Variants in ACBD6 observed in about 807,000 individuals in gnomAD.
ACBD6 encodes acyl-CoA binding domain containing 6.
Under a neutral mutation model 37.2 loss-of-function variants are expected in ACBD6, and 28 were observed. The observed-to-expected ratio is 0.75, with a 90% CI of 0.56 to 1.03. The LOEUF is 1.03. Among genes scored for constraint, ACBD6 ranks in the 50% least tolerant of loss-of-function variants. ACBD6 has a pLI of 0.00. For synonymous variants in ACBD6, 113 were observed against 126.8 expected, an observed-to-expected ratio of 0.89 and a Z score of 0.73; for missense variants, 340 against 337.4, an observed-to-expected ratio of 1.01 and a Z score of -0.06.
chr1:180,317,541 T>C (rs1361263292), intron 6 of ACBD6, among the ~76,000 whole-genome samples: 1 of 151,958 alleles, frequency 6.6e-6, no homozygotes, highest in Non-Finnish European at 1.5e-5. Context: ...GAAAGAAAAT[T>C]AGAAAAGGGT....
intron 6 of ACBD6, among the ~76,000 whole-genome samples, chr1:180,386,227 A>G (rs1653841175): frequency 6.6e-6 from 1 of 152,198 alleles, no homozygotes. Context: ...TAGGTGTATT[A>G]AGTGTATTTT....
At position 180,350,022 on chromosome 1, in the gene ACBD6, C is replaced by CTTT. The variant is rs1558261427; in HGVS notation, c.664-35301_664-35300insAAA. Reference sequence around the variant, plus strand: ...AGGTGTTTCAGTCCTCTCCAGTGACCCTTTTTTTTTTTTTTTTTTTTTGAG... The same window carrying CTTT: ...AGGTGTTTCAGTCCTCTCCAGTGACCTTTCTTTTTTTTTTTTTTTTTTTTTGAG... On this transcript the variant is annotated intron_variant, in intron 6 of 7. Transcript: ENST00000367595. Among the ~76,000 whole-genome samples, 2 of 131,516 alleles carry CTTT rather than the reference C, an allele frequency of 1.5e-5. 1 individual carries two copies. 86.3% of individuals were successfully genotyped at this position (131,516 alleles called of 152,430 possible).
At chr1:180,326,997 C>T (rs568422966) in intron 6 of ACBD6, among the ~76,000 whole-genome samples, 27 of 152,112 alleles carry the variant, frequency 1.8e-4, no homozygotes, top group Non-Finnish European at 2.9e-4. Flanking sequence ...AGGGATGGCA[C>T]GAGCACTCCC....
At chr1:180,406,610 C>G (rs1935283) in intron 5 of ACBD6, among the ~76,000 whole-genome samples, 4 of 152,108 alleles carry the variant, frequency 2.6e-5, no homozygotes, top group African/African-American at 7.2e-5. Flanking sequence ...AGATTCATAG[C>G]TATCAGTGAA....
intron 3 of ACBD6, chr1:180,435,487 G>A (rs1648997485): frequency 1.1e-5 from 6 of 533,140 alleles, no homozygotes; most frequent in Admixed American, 9.5e-5. Context: ...TCCTGACCTC[G>A]TGATCCGCCC....
chr1:180,502,335 G>A lies in ACBD6; in HGVS notation c.-69C>T, dbSNP rs1652019792. 3.9e-6 allele frequency: 6 copies of A among 1,543,598 alleles called. No homozygotes were observed. The South Asian group carries it at 6.9e-5, about 18-fold the overall frequency. On this transcript the variant is annotated 5_prime_UTR_variant, in exon 1 of 8. Coordinates refer to ENST00000367595, the MANE Select transcript of ACBD6 (RefSeq NM_032360.4). ...TTGGATTGGGTGTAAGGCCGGCTTG[G>A]AGGCCTGGCCCACCAGTCTGGGTCG...
chr1:180,318,944 G>A (rs745980258), intron 6 of ACBD6, among the ~76,000 whole-genome samples: 8 of 151,968 alleles, frequency 5.3e-5, no homozygotes, highest in Non-Finnish European at 1.2e-4. Context: ...GAGTTGAGTT[G>A]CTTTTTTGTA....
At chr1:180,401,579 T>C (rs1647363098) in intron 5 of ACBD6, among the ~76,000 whole-genome samples, 1 of 151,008 alleles carries the variant, frequency 6.6e-6, no homozygotes, top group Admixed American at 6.6e-5. Flanking sequence ...AGGTGAGGAG[T>C]TCGCAACAAG....
intron 5 of ACBD6, 148 bp downstream of exon 5, chr1:180,413,218 A>T: frequency 1.5e-6 from 1 of 687,210 alleles, no homozygotes; most frequent in Non-Finnish European, 2.6e-6. Context: ...TATCTTAACT[A>T]GGTAACACCA....
chr1:180,345,302 T>A (rs1393239847), intron 6 of ACBD6, among the ~76,000 whole-genome samples: 1 of 152,164 alleles, frequency 6.6e-6, no homozygotes, highest in African/African-American at 2.4e-5. Context: ...TCATTCATAT[T>A]CTCATTCATC....
At chr1:180,297,114 T>G (rs1272969088) in intron 7 of ACBD6, among the ~76,000 whole-genome samples, 1 of 152,152 alleles carries the variant, frequency 6.6e-6, no homozygotes, top group Non-Finnish European at 1.5e-5. Context: ...TTTCTTCTTT[T>G]GCTCTCTAAC....
chr1:180,324,234 T>C (rs1321227961), intron 6 of ACBD6, among the ~76,000 whole-genome samples: 11 of 152,122 alleles, frequency 7.2e-5, no homozygotes, highest in Admixed American at 4.6e-4. Flanking sequence ...AATGTCATTA[T>C]TGATTAGGTA....
At chr1:180,443,338 T>A (rs1410977378) in intron 3 of ACBD6, among the ~76,000 whole-genome samples, 1 of 152,178 alleles carries the variant, frequency 6.6e-6, no homozygotes. Context: ...CTATGTCAGC[T>A]CCAGAAATTG....
intron 6 of ACBD6, among the ~76,000 whole-genome samples, chr1:180,358,450 A>AAC (rs1558265204): frequency 0.098 from 987 of 10,076 alleles, 17 homozygotes; most frequent in African/African-American, 0.15. Flanking sequence ...ACAACAACAA[A>AAC]AAAAAAAAAC....
At chr1:180,375,512 G>C (rs1167502774) in intron 6 of ACBD6, among the ~76,000 whole-genome samples, 1 of 152,176 alleles carries the variant, frequency 6.6e-6, no homozygotes, top group Non-Finnish European at 1.5e-5. Flanking sequence ...TATCTGTAGA[G>C]ATGGGGTCTT....
At chr1:180,293,584 G>C (rs375203446) in intron 7 of ACBD6, among the ~76,000 whole-genome samples, 3 of 152,062 alleles carry the variant, frequency 2.0e-5, no homozygotes, top group East Asian at 3.9e-4. Flanking sequence ...TAGGATTATA[G>C]GCATGAGCCA....
Position 180,437,751 on chromosome 1 carries a change from GA to G in ACBD6, c.385-7490del, listed in dbSNP as rs371622282. Among the ~76,000 whole-genome samples the G allele has an allele frequency of 5.7e-3, 872 of 151,728 alleles. 6 individuals carry two copies. The highest frequency in any genetic ancestry group is 0.019 in the African/African-American group (806 of 41,378). The stretch of plus-strand genomic sequence containing the variant: ...ATTAAAACCTAAGGAGTATTATGAA[GA>G]AAAAAAACAGGTCCAGGAACAAGGT... On this transcript the variant is annotated intron_variant, in intron 3 of 7. Coordinates refer to ENST00000367595, the MANE Select transcript of ACBD6 (RefSeq NM_032360.4).
chr1:180,358,551 A>C (rs1422902584), intron 6 of ACBD6, among the ~76,000 whole-genome samples: 1 of 32,710 alleles, frequency 3.1e-5, no homozygotes, highest in Non-Finnish European at 1.0e-4. Context: ...ATCATACAGA[A>C]ACCCCAAAAA....
At chr1:180,279,384 C>T (rs547888094) in intron 9 of ACBD6, among the ~76,000 whole-genome samples, 2 of 152,254 alleles carry the variant, frequency 1.3e-5, no homozygotes, top group South Asian at 4.1e-4. Flanking sequence ...GCAACCTCTG[C>T]TTCCTGGGTT....
Sources: allele counts gnomAD v4.1 joint callset (sites outside exome capture counted in the v4.1 genomes callset), GRCh38; gene constraint gnomAD v4.1.1; transcripts MANE v1.5; gene names NCBI Gene and HGNC (gene_info 2026-07-23, HGNC 2026-07-21).